Variants in PRUNE2 observed in about 807,000 individuals in gnomAD.
The protein encoded by PRUNE2 is prune homolog 2 with BCH domain, also known as protein prune homolog 2.
PRUNE2 carries 164 observed loss-of-function variants against 252.0 expected under a neutral mutation model. That is an observed-to-expected ratio of 0.65 (90% confidence interval 0.57 to 0.74). The LOEUF (loss-of-function observed/expected upper bound fraction) is 0.74. Among genes scored for constraint, PRUNE2 ranks in the 30% least tolerant of loss-of-function variants. The pLI is 0.00. For missense variants in PRUNE2, 3,495 were observed against 3,711.0 expected (o/e 0.94, Z 1.51); for synonymous variants, 1,292 against 1,350.2 (o/e 0.96, Z 0.94).
In PRUNE2 at chr9:76,708,465, G is replaced by A. The variant is rs2046465189; in HGVS notation, c.3809C>T (p.Ala1270Val). The change falls in exon 8 of 19, where the codon GCC (alanine) becomes GTC (valine). Residue 1270 changes from alanine (A) to valine (V), a missense_variant. Transcript: ENST00000376718. ...TGCCTCTGATTCACTGGTTCCAGAG[G>A]CTGCTGGCGCATCTGGGGAATGAGT... ...KDTHSPDAPA[A>V]SGTSESEALI... The A allele has an allele frequency of 1.2e-6, 2 of 1,613,836 alleles. No homozygotes were observed. Among genetic ancestry groups the A allele is most frequent in the African/African-American group, 2.7e-5 (2 of 74,902 alleles).
chr9:76,709,290 C>T lies in PRUNE2; in HGVS notation c.2984G>A (p.Gly995Asp), dbSNP rs374574197. Residue 995 changes from glycine (G) to aspartate (D), a missense_variant, in exon 8 of 19, where the codon GGT becomes GAT. By Grantham distance (94) the Gly-to-Asp change is moderately conservative (BLOSUM62 -1). Coordinates refer to ENST00000376718, the MANE Select transcript of PRUNE2 (RefSeq NM_015225.3). ...GGAGTTACCATCTTTTGACTCAAAA[C>T]CTTCCTCTTTAGCAAATGGCTTGTG... ...TEHKPFAKEE[G>D]FESKDGNSTA... The T allele has an allele frequency of 6.2e-7, 1 of 1,613,710 alleles. No individual in the cohort carries two copies. The highest frequency in any genetic ancestry group is 1.7e-5 in the Admixed American group (1 of 59,990).
Position 76,679,587 on chromosome 9 carries a change from T to C in PRUNE2, c.8276+23750A>G, listed in dbSNP as rs528251802. On this transcript the variant is annotated intron_variant, in intron 9 of 18. Transcript: ENST00000376718. ...AGAAGGATTGCTTGAGCCCAGGAGT[T>C]TGAAGCTGCAGTGAGCTATGATTGT... Among the ~76,000 whole-genome samples, 12 of 152,248 alleles carry C rather than the reference T, an allele frequency of 7.9e-5. No homozygotes were observed. The South Asian group carries it at 2.1e-3, about 26-fold the overall frequency.
chr9:76,826,009 A>G (rs180885017), intron 5 of PRUNE2, among the ~76,000 whole-genome samples: 82 of 152,340 alleles, frequency 5.4e-4, no homozygotes, highest in African/African-American at 1.9e-3. Context: ...GATTGCATGT[A>G]ATAATGCACC....
chr9:76,702,235 T>C (rs1270774159), intron 9 of PRUNE2, among the ~76,000 whole-genome samples: 1 of 152,002 alleles, frequency 6.6e-6, no homozygotes, highest in Non-Finnish European at 1.5e-5. Flanking sequence ...GTTTTGAATT[T>C]TTAGTAGAGA....
At chr9:76,679,905 C>T (rs564489065) in intron 9 of PRUNE2, among the ~76,000 whole-genome samples, 41 of 152,080 alleles carry the variant, frequency 2.7e-4, no homozygotes, top group Admixed American at 4.6e-4. Context: ...AAAATAGAAA[C>T]TTCTAGCATA....
intron 11 of PRUNE2, among the ~76,000 whole-genome samples, chr9:76,649,199 T>C (rs1846143524): frequency 6.6e-6 from 1 of 152,180 alleles, no homozygotes. Flanking sequence ...CAGACATGCT[T>C]CATGAAAACA....
chr9:76,794,632 A>AAAAAAAAAAAAAG (rs1554773258), intron 6 of PRUNE2, among the ~76,000 whole-genome samples: 1 of 122,608 alleles, frequency 8.2e-6, no homozygotes, highest in African/African-American at 4.1e-5. Context: ...AAAAAAAAAG[A>AAAAAAAAAAAAAG]AAAGAAAAGA....
intron 6 of PRUNE2, among the ~76,000 whole-genome samples, chr9:76,815,319 C>T (rs1483625684): frequency 6.6e-6 from 1 of 152,210 alleles, no homozygotes; most frequent in African/African-American, 2.4e-5. Flanking sequence ...AATAACAAAA[C>T]ACCTTAGACT....
At chr9:76,762,296 A>G in intron 6 of PRUNE2, among the ~76,000 whole-genome samples, 1 of 152,192 alleles carries the variant, frequency 6.6e-6, no homozygotes, top group East Asian at 1.9e-4. Context: ...ACTCTCTGTT[A>G]TTTCATCAAA....
chr9:76,880,800 G>C (rs1461810918), intron 1 of PRUNE2, among the ~76,000 whole-genome samples: 1 of 152,020 alleles, frequency 6.6e-6, no homozygotes, highest in Non-Finnish European at 1.5e-5. Context: ...GGAAAATATA[G>C]TTATTTTAAA....
chr9:76,666,619 G>C (rs1007288339), intron 9 of PRUNE2, among the ~76,000 whole-genome samples: 3 of 152,120 alleles, frequency 2.0e-5, no homozygotes, highest in African/African-American at 7.2e-5. Flanking sequence ...TCAATCATTG[G>C]AGATGACTCA....
intron 6 of PRUNE2, chr9:76,738,015 G>A (rs2049231888): frequency 6.6e-6 from 1 of 152,086 alleles, no homozygotes; most frequent in South Asian, 2.1e-4. Flanking sequence ...AAATTAGGTA[G>A]TTTTTTAAAC....
chr9:76,869,010 G>A (rs537099034), intron 1 of PRUNE2: 4 of 152,196 alleles, frequency 2.6e-5, no homozygotes, highest in African/African-American at 7.2e-5. Flanking sequence ...CTGCTCCTTC[G>A]GATTAGAAGG....
chr9:76,865,362 C>T (rs1358710186), intron 1 of PRUNE2, among the ~76,000 whole-genome samples: 1 of 152,092 alleles, frequency 6.6e-6, no homozygotes, highest in Non-Finnish European at 1.5e-5. Flanking sequence ...AAATGTATTA[C>T]AATGTTCCTT....
intron 6 of PRUNE2, among the ~76,000 whole-genome samples, chr9:76,743,032 G>C (rs1422458956): frequency 6.6e-6 from 1 of 152,202 alleles, no homozygotes; most frequent in Non-Finnish European, 1.5e-5. Flanking sequence ...TTGTGATAGT[G>C]AGTTCTCATG....
At chr9:76,738,388 C>T (rs1329120738) in intron 6 of PRUNE2, 2 of 152,130 alleles carry the variant, frequency 1.3e-5, no homozygotes, top group Non-Finnish European at 2.9e-5. Context: ...CCATACAAGG[C>T]TCCTTTGCAC....
At chr9:76,837,441 AAATAATAAT>A (rs57793891) in intron 4 of PRUNE2, among the ~76,000 whole-genome samples, 182 of 134,830 alleles carry the variant, frequency 1.3e-3, no homozygotes, top group African/African-American at 4.0e-3. Flanking sequence ...ACTCTGTCTC[AAATAATAAT>A]AATAATAATA....
At position 76,709,874 on chromosome 9, in the gene PRUNE2, C is replaced by T. The variant is rs2046585994; in HGVS notation, c.2400G>A (p.Trp800Ter). 1 of 1,613,748 alleles carries T rather than the reference C, an allele frequency of 6.2e-7. No homozygotes were observed. The highest frequency in any genetic ancestry group is 8.5e-7 in the Non-Finnish European group (1 of 1,179,878). ...EPAAVAPFPA[W>*]SAFGKEDHDE... is the part of the protein sequence containing the mutation. ...CATGATCTTCTTTACCAAATGCACT[C>T]CAGGCTGGGAATGGCGCCACAGCTG... Residue 800 changes from tryptophan to a stop codon, truncating the protein, a stop_gained, in exon 8 of 19, where the codon TGG becomes TGA. Coordinates refer to ENST00000376718, the MANE Select transcript of PRUNE2 (RefSeq NM_015225.3). LOFTEE classifies it high-confidence loss of function.
At chr9:76,719,220 A>T (rs115717236) in intron 6 of PRUNE2, among the ~76,000 whole-genome samples, 2,107 of 152,254 alleles carry the variant, frequency 0.014, 42 homozygotes, top group African/African-American at 0.046. Context: ...TCCCAATGCA[A>T]TTATTATTAT....
Sources: gnomAD v4.1 joint callset for allele counts (sites outside exome capture counted in the v4.1 genomes callset) on GRCh38, gnomAD v4.1.1 for gene constraint, MANE v1.5 for transcripts, NCBI Gene and HGNC (gene_info 2026-07-23, HGNC 2026-07-21) for gene names.